Variants in LIPG observed in about 807,000 individuals in gnomAD.
LIPG encodes lipase G, endothelial type.
LIPG carries 34 observed loss-of-function variants against 51.8 expected under a neutral mutation model. That is an observed-to-expected ratio of 0.66 (90% CI 0.50 to 0.87). The LOEUF (loss-of-function observed/expected upper bound fraction) is 0.87, where lower values mean the gene tolerates loss of function less well. LIPG is among the 40% of genes least tolerant of loss of function. The pLI, the probability that LIPG is intolerant of heterozygous loss-of-function variation, is 0.00. For missense variants in LIPG, 580 were observed against 652.7 expected (o/e 0.89, Z 1.21); for synonymous variants, 246 against 246.1 (o/e 1.00, Z 0.00).
chr18:49,593,437 G>A lies in LIPG; in HGVS notation c.*2915G>A, dbSNP rs958290819. ...TTCAATTGTAGCAGCTTGAAGGCCT[G>A]AAGGTGGATGTTAGGAAGAACAGGG... On this transcript the variant is annotated 3_prime_UTR_variant, in exon 10 of 10. Transcript: ENST00000261292. 2.0e-5 allele frequency: 3 copies of A among 152,226 alleles called. No homozygotes were observed. Among genetic ancestry groups the A allele is most frequent in the Non-Finnish European group, 2.9e-5 (2 of 68,048 alleles). The allele number at this position is 152,226 out of a possible 1,614,324, so 9.4% of individuals were successfully genotyped here. A position where few individuals can be genotyped will look rare whatever the true frequency, so the allele number is the denominator to read the frequency against.
chr18:49,567,627 G>A lies in LIPG; in HGVS notation c.459+6G>A, dbSNP rs1568526990. On this transcript the variant is annotated splice_donor_region_variant and intron_variant, in intron 3 of 9. Coordinates refer to ENST00000261292, the MANE Select transcript of LIPG (RefSeq NM_006033.4). Reference sequence around the variant, plus strand: ...GGATGCTCGACTGGCTGCAGGTACTGGGGGATGAGAGGGAGTCTCCTGTCA... The same window carrying A: ...GGATGCTCGACTGGCTGCAGGTACTAGGGGATGAGAGGGAGTCTCCTGTCA... The A allele has an allele frequency of 6.2e-7, 1 of 1,613,612 alleles. No individual in the cohort carries two copies. Among genetic ancestry groups the A allele is most frequent in the East Asian group, 2.2e-5 (1 of 44,876 alleles).
At chr18:49,579,917 A>G (rs2084800939) in intron 5 of LIPG, among the ~76,000 whole-genome samples, 1 of 151,884 alleles carries the variant, frequency 6.6e-6, no homozygotes, top group Non-Finnish European at 1.5e-5. Flanking sequence ...GGTTCAAGTG[A>G]TTCTCCTGCT....
intron 3 of LIPG, 28 bp downstream of exon 3, chr18:49,567,649 G>T: frequency 6.2e-7 from 1 of 1,610,494 alleles, no homozygotes; most frequent in Non-Finnish European, 8.5e-7. Flanking sequence ...GGAGTCTCCT[G>T]TCACCAGCAG....
chr18:49,578,099 G>A (rs1335659150), intron 5 of LIPG, among the ~76,000 whole-genome samples: 9 of 123,674 alleles, frequency 7.3e-5, no homozygotes, highest in South Asian at 5.5e-4. Context: ...CCCGGATGGG[G>A]CGGCTGGCCG....
At chr18:49,575,841 CTT>C (rs1301704194) in intron 5 of LIPG, among the ~76,000 whole-genome samples, 16 of 141,774 alleles carry the variant, frequency 1.1e-4, no homozygotes, top group Non-Finnish European at 1.1e-4. Context: ...CTTTTTCTTT[CTT>C]TTTTTTTTTT....
At chr18:49,575,660 T>C (rs1217380536) in intron 5 of LIPG, 70 bp downstream of exon 5, 17 of 1,234,436 alleles carry the variant, frequency 1.4e-5, no homozygotes, top group Non-Finnish European at 2.0e-5. Context: ...AGCCAGAGCC[T>C]TTAGCACTGC....
At position 49,586,767 on chromosome 18, in the gene LIPG, C is replaced by T. The variant is rs755190576; in HGVS notation, c.1398C>T (p.Asp466=). ...TQRKLTFCTE[D]PENTSISPGR... is the part of the protein sequence containing the mutation. Reference sequence around the variant, plus strand: ...CTAGACTGACATTTTGTACAGAAGACCCTGAGAACACCAGCATATCCCCAG... The same window carrying T: ...CTAGACTGACATTTTGTACAGAAGATCCTGAGAACACCAGCATATCCCCAG... Residue 466 remains aspartate (D), a synonymous_variant, in exon 9 of 10, where the codon GAC becomes GAT. Transcript: ENST00000261292. The T allele has an allele frequency of 8.7e-6, 14 of 1,613,828 alleles. No homozygotes were observed. Among genetic ancestry groups the T allele is most frequent in the Admixed American group, 5.0e-5 (3 of 60,010 alleles).
At position 49,598,941 on chromosome 18, in the gene LIPG, CT is replaced by C. The variant is rs1488331273; in HGVS notation, c.*8420del. The C allele has an allele frequency of 1.3e-5, 2 of 152,228 alleles. No individual in the cohort carries two copies. The highest frequency in any genetic ancestry group is 2.4e-5 in the African/African-American group (1 of 41,462). The allele number at this position is 152,228 out of a possible 1,614,324, so 9.4% of individuals were successfully genotyped here. A position where few individuals can be genotyped will look rare whatever the true frequency, so the allele number is the denominator to read the frequency against. On this transcript the variant is annotated 3_prime_UTR_variant, in exon 10 of 10. Coordinates refer to ENST00000261292, the MANE Select transcript of LIPG (RefSeq NM_006033.4). Reference sequence around the variant, plus strand: ...CCACGTCTTTGCATGGATCAGTCATCTGTTCCATTTTATTGCTAAGCAGTAT... The same window carrying C: ...CCACGTCTTTGCATGGATCAGTCATCGTTCCATTTTATTGCTAAGCAGTAT...
At chr18:49,562,883 G>A (rs983130050) in intron 1 of LIPG, among the ~76,000 whole-genome samples, 2 of 152,220 alleles carry the variant, frequency 1.3e-5, no homozygotes. Flanking sequence ...CTTGCAGGGA[G>A]CGTCTGGTGG....
chr18:49,571,165 C>A (rs1350618576), intron 4 of LIPG, among the ~76,000 whole-genome samples: 1 of 152,166 alleles, frequency 6.6e-6, no homozygotes, highest in Non-Finnish European at 1.5e-5. Flanking sequence ...TAACCCCTTG[C>A]TGGTGCAAAG....
chr18:49,581,685 G>A (rs1362863054), intron 6 of LIPG, 28 bp downstream of exon 6: 2 of 1,609,236 alleles, frequency 1.2e-6, no homozygotes, highest in South Asian at 2.2e-5. Flanking sequence ...GAGTGTCCCT[G>A]AGGAAGGCCC....
chr18:49,579,743 T>TCCTTTCCTTTC (rs1555778414), intron 5 of LIPG, among the ~76,000 whole-genome samples: 8 of 131,076 alleles, frequency 6.1e-5, no homozygotes, highest in African/African-American at 2.8e-4. Context: ...TGATGGCCTT[T>TCCTTTCCTTTC]CTTTCCTTTC....
intron 2 of LIPG, among the ~76,000 whole-genome samples, chr18:49,566,740 G>C (rs759923942): frequency 6.6e-6 from 1 of 152,158 alleles, no homozygotes; most frequent in African/African-American, 2.4e-5. Flanking sequence ...GTCTCTAAGA[G>C]AGAAGCAATT....
Position 49,562,093 on chromosome 18 carries a change from G to A in LIPG, c.-216G>A, listed in dbSNP as rs376932448. On this transcript the variant is annotated 5_prime_UTR_variant, in exon 1 of 10. Transcript: ENST00000261292. ...CTTGCCTCCCGGCGGCTCAGGACGA[G>A]GGCAGATCTCGTTCTGGGGCAAGCC... The A allele has an allele frequency of 1.4e-6, 2 of 1,448,272 alleles. No individual in the cohort carries two copies. Among genetic ancestry groups the A allele is most frequent in the Non-Finnish European group, 9.0e-7 (1 of 1,109,170 alleles). 89.7% of individuals were successfully genotyped at this position (1,448,272 alleles called of 1,614,324 possible). A position where few individuals can be genotyped will look rare whatever the true frequency, so the allele number is the denominator to read the frequency against.
At chr18:49,588,112 T>C (rs966923759) in intron 9 of LIPG, among the ~76,000 whole-genome samples, 1 of 151,502 alleles carries the variant, frequency 6.6e-6, no homozygotes, top group Admixed American at 6.6e-5. Flanking sequence ...GATTGACATC[T>C]TCTCTGTAAT....
intron 4 of LIPG, among the ~76,000 whole-genome samples, chr18:49,572,730 T>TAAA (rs149836695): frequency 3.1e-5 from 4 of 130,906 alleles, no homozygotes; most frequent in Non-Finnish European, 6.4e-5. Context: ...GACCCTGTCT[T>TAAA]AAAAAAAAAA....
intron 9 of LIPG, among the ~76,000 whole-genome samples, chr18:49,588,965 G>A (rs1335531064): frequency 2.0e-5 from 3 of 152,160 alleles, no homozygotes; most frequent in African/African-American, 7.2e-5. Flanking sequence ...CTAGGCAGGG[G>A]TTGTTAGCCC....
At chr18:49,584,596 A>C (rs9946207) in intron 8 of LIPG, among the ~76,000 whole-genome samples, 2,453 of 152,242 alleles carry the variant, frequency 0.016, 72 homozygotes, top group African/African-American at 0.057. Flanking sequence ...CATTTTCTCC[A>C]TTATAATTCC....
rs2084984389 is a variant in LIPG, at chr18:49,596,655, A to G, written c.*6133A>G. On this transcript the variant is annotated 3_prime_UTR_variant, in exon 10 of 10. Transcript: ENST00000261292. The stretch of plus-strand genomic sequence containing the variant: ...TATCTCAAAAAAAAAAAAAAAAAAA[A>G]AAAGGCCACAGAAATGTCCATCCAG... The G allele has an allele frequency of 6.6e-6, 1 of 150,854 alleles. No homozygotes were observed. The highest frequency in any genetic ancestry group is 2.5e-5 in the African/African-American group (1 of 40,664). 9.3% of individuals were successfully genotyped at this position (150,854 alleles called of 1,614,324 possible).
Sources: gnomAD v4.1 joint callset for allele counts (sites outside exome capture counted in the v4.1 genomes callset) on GRCh38, gnomAD v4.1.1 for gene constraint, MANE v1.5 for transcripts, NCBI Gene and HGNC (gene_info 2026-07-23, HGNC 2026-07-21) for gene names.